The following VIT variants were observed in gnomAD, a reference collection of about 807,000 sequenced individuals.
VIT encodes the protein vitrin.
In VIT, 99 loss-of-function variants were observed where a neutral mutation model predicts 78.0. The observed-to-expected ratio is 1.27, with a 90% confidence interval of 1.08 to 1.50. The LOEUF is 1.50. Ranked by LOEUF, VIT falls within the 40% of genes most tolerant of loss-of-function variation. VIT has a pLI of 0.00. For synonymous variants in VIT, 374 were observed against 334.3 expected (o/e 1.12, Z -1.29); for missense variants, 1,126 against 875.3 (o/e 1.29, Z -3.61).
chr2:36,759,553 A>T (rs1668980386), intron 6 of VIT: 1 of 1,064,580 alleles, frequency 9.4e-7, no homozygotes, highest in Non-Finnish European at 1.1e-6. Context: ...GTATCGGTAG[A>T]CCTCAGGCCA....
intron 6 of VIT, among the ~76,000 whole-genome samples, chr2:36,763,205 C>G (rs570129038): frequency 2.4e-4 from 36 of 152,242 alleles, no homozygotes; most frequent in Non-Finnish European, 3.8e-4. Context: ...AGAATCTCCA[C>G]GACCAGGGCC....
In VIT at chr2:36,774,597, C is replaced by T. The variant is rs1260869008; in HGVS notation, c.737-405C>T. ...CTTAGAAACTGTAGGTTCTGTTTTG[C>T]TTGCTACTGGATAGGAACAGGGGCC... On this transcript the variant is annotated intron_variant, in intron 8 of 15. Coordinates refer to ENST00000379242, the MANE Select transcript of VIT (RefSeq NM_053276.4). 5 of 985,316 alleles carry T rather than the reference C, an allele frequency of 5.1e-6. No individual in the cohort carries two copies. In the African/African-American group the frequency reaches 7.0e-5, roughly 14 times the overall value. The allele number at this position is 985,316 out of a possible 1,614,324, so 61.0% of individuals were successfully genotyped here. A position where few individuals can be genotyped will look rare whatever the true frequency, so the allele number is the denominator to read the frequency against.
chr2:36,713,435 T>C (rs1043998671), intron 1 of VIT, among the ~76,000 whole-genome samples: 2 of 152,216 alleles, frequency 1.3e-5, no homozygotes, highest in Admixed American at 1.3e-4. Context: ...AAGCAGGGTC[T>C]TGAGCCACTT....
chr2:36,704,078 AC>A (rs1665256081), intron 1 of VIT, among the ~76,000 whole-genome samples: 1 of 151,906 alleles, frequency 6.6e-6, no homozygotes, highest in Non-Finnish European at 1.5e-5. Context: ...GGTGCACGCC[AC>A]CATGCCTGGC....
At position 36,767,189 on chromosome 2, in the gene VIT, G is replaced by A; in HGVS notation, c.583G>A (p.Ala195Thr). The part of the protein sequence containing the change: ...MQLLAVTVAV[A>T]TPTTLPRPSP... The stretch of plus-strand genomic sequence containing the variant: ...GCTTCTGGCTGTCACTGTAGCTGTG[G>A]CCACCCCCACCACCTTGCCAAGGCC... The change falls in exon 7 of 16, where the codon GCC (alanine) becomes ACC (threonine). Residue 195 changes from alanine to threonine, a missense_variant. Physicochemically the swap from Ala to Thr is moderately conservative, Grantham distance 58. Coordinates refer to ENST00000379242, the MANE Select transcript of VIT (RefSeq NM_053276.4). 2 of 1,610,702 alleles carry A rather than the reference G, an allele frequency of 1.2e-6. No individual in the cohort carries two copies. The highest frequency in any genetic ancestry group is 8.5e-7 in the Non-Finnish European group (1 of 1,178,676).
At chr2:36,805,361 CTT>C in intron 13 of VIT, 75 bp from the exon 14 acceptor site, 1 of 1,387,712 alleles carries the variant, frequency 7.2e-7, no homozygotes, top group Non-Finnish European at 9.6e-7. Flanking sequence ...TTCTGGACCT[CTT>C]TGTGCTGCTG....
intron 4 of VIT, among the ~76,000 whole-genome samples, chr2:36,746,314 G>A (rs893759917): frequency 5.3e-5 from 8 of 152,018 alleles, no homozygotes; most frequent in Admixed American, 1.3e-4. Flanking sequence ...GATGATGTTG[G>A]CTTCTTAAAA....
chr2:36,782,917 T>G (rs1664855652), intron 10 of VIT, among the ~76,000 whole-genome samples: 2 of 152,248 alleles, frequency 1.3e-5, no homozygotes. Context: ...TCGTTCATTG[T>G]GTCAATCACC....
At chr2:36,802,173 T>A (rs1459382074) in intron 13 of VIT, among the ~76,000 whole-genome samples, 3 of 152,200 alleles carry the variant, frequency 2.0e-5, no homozygotes, top group Non-Finnish European at 4.4e-5. Context: ...GTGGGGCATG[T>A]CCAGAAATTC....
At chr2:36,763,431 G>T (rs553048652) in intron 6 of VIT, among the ~76,000 whole-genome samples, 2 of 152,262 alleles carry the variant, frequency 1.3e-5, no homozygotes, top group African/African-American at 4.8e-5. Flanking sequence ...AGCTGAGATT[G>T]CAGGAAGAAA....
chr2:36,716,314 G>A (rs1050303532), intron 1 of VIT, 39 bp from the exon 2 acceptor site: 31 of 1,576,160 alleles, frequency 2.0e-5, no homozygotes, highest in Admixed American at 6.7e-5. Context: ...CAGAACCCCC[G>A]GCTGAAATAT....
Position 36,783,950 on chromosome 2 carries a change from C to A in VIT, c.910+548C>A, listed in dbSNP as rs115757760. On this transcript the variant is annotated intron_variant, in intron 11 of 15. Transcript: ENST00000379242. The stretch of plus-strand genomic sequence containing the variant: ...ATTTGATCTGGTAGAGAGAAGACTA[C>A]CCAGGTCTGACATTCAGAAGGAACA... Among the ~76,000 whole-genome samples, 800 of 152,242 alleles carry A rather than the reference C, an allele frequency of 5.3e-3. 8 individuals are homozygous for A. The highest frequency in any genetic ancestry group is 0.018 in the African/African-American group (754 of 41,538).
At chr2:36,785,103 GT>G (rs1354332445) in intron 11 of VIT, among the ~76,000 whole-genome samples, 1 of 152,196 alleles carries the variant, frequency 6.6e-6, no homozygotes, top group Non-Finnish European at 1.5e-5. Flanking sequence ...CTTTATTCAT[GT>G]AAAAAGAAAA....
In VIT at chr2:36,787,166, C is replaced by T. The variant is rs200266127; in HGVS notation, c.948C>T (p.Ser316=). 16 of 1,614,192 alleles carry T rather than the reference C, an allele frequency of 9.9e-6. No homozygotes were observed. Among genetic ancestry groups the T allele is most frequent in the Non-Finnish European group, 1.2e-5 (14 of 1,180,034 alleles). ...ACTTGTCGTTTTTAATTGATGGGAG[C>T]ACCAGCATTGGCAAACGGCGATTCC... The part of the protein sequence containing the change: ...KIDLSFLIDG[S]TSIGKRRFRI... The change falls in exon 12 of 16, where the codon AGC becomes AGT. Residue 316 remains serine (S), a synonymous_variant. Coordinates refer to ENST00000379242, the MANE Select transcript of VIT (RefSeq NM_053276.4).
intron 12 of VIT, among the ~76,000 whole-genome samples, chr2:36,798,179 G>A (rs1666044642): frequency 6.6e-6 from 1 of 152,160 alleles, no homozygotes; most frequent in Non-Finnish European, 1.5e-5. Context: ...TTAGCAATGG[G>A]AATTTCTGAT....
chr2:36,809,287 G>A (rs889568624), intron 15 of VIT, among the ~76,000 whole-genome samples: 4 of 152,116 alleles, frequency 2.6e-5, no homozygotes, highest in African/African-American at 9.7e-5. Context: ...TTTCCCACAA[G>A]AGCATGATAC....
rs377073906 is a variant in VIT, at chr2:36,801,347, C to T, written c.1105C>T (p.Arg369Ter). 17 of 1,614,100 alleles carry T rather than the reference C, an allele frequency of 1.1e-5. No homozygotes were observed. The highest frequency in any genetic ancestry group is 4.5e-5 in the East Asian group (2 of 44,884). Residue 369 changes from arginine to a stop codon, truncating the protein, a stop_gained, in exon 13 of 16, where the codon CGA (arginine) becomes TGA (stop). Transcript: ENST00000379242. LOFTEE classifies it high-confidence loss of function. ...HFNLKTHTNSRDLKTAIEKIT... is the reference protein window; with the variant it reads ...HFNLKTHTNS ...TAACCTCAAGACACACACGAATTCT[C>T]GAGATCTGAAGACAGCCATAGAGAA...
chr2:36,700,411 G>A (rs546061998), intron 1 of VIT, among the ~76,000 whole-genome samples: 9 of 152,056 alleles, frequency 5.9e-5, no homozygotes, highest in South Asian at 4.2e-4. Flanking sequence ...TGGTGGTGGC[G>A]ATGTTATAAT....
At chr2:36,809,925 A>C (rs187441401) in intron 15 of VIT, among the ~76,000 whole-genome samples, 255 of 142,902 alleles carry the variant, frequency 1.8e-3, no homozygotes, top group Non-Finnish European at 2.0e-3. Context: ...CTGGAGTTGG[A>C]GGCTGCAGTG....
Sources: allele counts gnomAD v4.1 joint callset (sites outside exome capture counted in the v4.1 genomes callset), GRCh38; gene constraint gnomAD v4.1.1; transcripts MANE v1.5; gene names NCBI Gene and HGNC (gene_info 2026-07-23, HGNC 2026-07-21).